Variants in PDCD11 observed in about 807,000 individuals in gnomAD.
PDCD11 encodes protein RRP5 homolog.
Under a neutral mutation model 198.9 loss-of-function variants are expected in PDCD11, and 97 were observed. The ratio of observed to expected loss-of-function variants is 0.49; its 90% confidence interval spans 0.41 to 0.58. The LOEUF (loss-of-function observed/expected upper bound fraction) is 0.58. Ranked by LOEUF, PDCD11 falls within the 20% of genes least tolerant of loss-of-function variation. PDCD11 has a pLI of 0.00. For synonymous variants in PDCD11, 893 were observed against 918.0 expected (o/e 0.97, Z 0.49); for missense variants, 2,102 against 2,312.7 (o/e 0.91, Z 1.87).
intron 25 of PDCD11, among the ~76,000 whole-genome samples, chr10:103,435,211 C>T (rs989994014): frequency 6.6e-6 from 1 of 151,932 alleles, no homozygotes; most frequent in Non-Finnish European, 1.5e-5. Context: ...AATAGAATAT[C>T]ATTTGATATA....
chr10:103,414,025 C>G lies in PDCD11; in HGVS notation c.1245C>G (p.Asn415Lys). 6.2e-7 allele frequency: 1 copy of G among 1,613,550 alleles called. No homozygotes were observed. The highest frequency in any genetic ancestry group is 8.5e-7 in the Non-Finnish European group (1 of 1,179,756). Reference sequence around the variant, plus strand: ...ATCCTGAGGCCTTCAAGCCAGGGAACACTCACAAGTGTAGAATTATTGACT... The same window carrying G: ...ATCCTGAGGCCTTCAAGCCAGGGAAGACTCACAAGTGTAGAATTATTGACT... ...VFNPEAFKPGNTHKCRIIDYS... is the reference protein window; with the variant it reads ...VFNPEAFKPGKTHKCRIIDYS... The change falls in exon 10 of 36, where the codon AAC (asparagine) becomes AAG (lysine). Residue 415 changes from asparagine to lysine, a missense_variant. Asn to Lys is a moderately conservative substitution (Grantham distance 94). Transcript: ENST00000369797.
rs2031552259 is a variant in PDCD11, at chr10:103,423,527, TG to T, written c.2648-14del. 6.5e-7 allele frequency: 1 copy of T among 1,546,266 alleles called. No homozygotes were observed. Among genetic ancestry groups the T allele is most frequent in the African/African-American group, 1.4e-5 (1 of 73,522 alleles). On this transcript the variant is annotated splice_polypyrimidine_tract_variant and intron_variant, in intron 18 of 35. Coordinates refer to ENST00000369797, the MANE Select transcript of PDCD11 (RefSeq NM_014976.2). ...CTGTTCCAGAAGGATAATCACACTG[TG>T]GTTCTGCACTGCAGGGCAGGAGGTG...
Position 103,421,350 on chromosome 10 carries a change from C to T in PDCD11, c.2280C>T (p.Ile760=), listed in dbSNP as rs1407091807. Residue 760 remains isoleucine (I), a splice_region_variant and synonymous_variant, in exon 17 of 36, where the codon ATC becomes ATT. Transcript: ENST00000369797. The stretch of plus-strand genomic sequence containing the variant: ...CTCCTGCCTGTTCTTCTGTTCAGAT[C>T]ATGAGTGACAAATTTGTGACCTCCA... The part of the protein sequence containing the change: ...SGLSGLAPKA[I]MSDKFVTSTS... The T allele has an allele frequency of 1.9e-6, 3 of 1,604,048 alleles. No individual in the cohort carries two copies. Among genetic ancestry groups the T allele is most frequent in the African/African-American group, 1.3e-5 (1 of 74,848 alleles).
At chr10:103,432,260 G>A (rs770269457) in intron 22 of PDCD11, 26 bp downstream of exon 22, 15 of 1,428,588 alleles carry the variant, frequency 1.0e-5, no homozygotes, top group Non-Finnish European at 1.5e-5. Flanking sequence ...ACTCGGCAAT[G>A]AGATGTCATT....
At chr10:103,401,261 ATTATT>A (rs1451856498) in intron 3 of PDCD11, among the ~76,000 whole-genome samples, 2 of 151,684 alleles carry the variant, frequency 1.3e-5, no homozygotes, top group African/African-American at 4.8e-5. Flanking sequence ...TAATTTTGAA[ATTATT>A]TTATTTTATT....
At chr10:103,425,996 T>C (rs1036511853) in intron 20 of PDCD11, among the ~76,000 whole-genome samples, 2 of 152,218 alleles carry the variant, frequency 1.3e-5, no homozygotes, top group African/African-American at 2.4e-5. Flanking sequence ...TATGGTGTGG[T>C]TGTTAAGAAC....
At chr10:103,426,963 G>T (rs2133724560) in intron 20 of PDCD11, among the ~76,000 whole-genome samples, 1 of 151,884 alleles carries the variant, frequency 6.6e-6, no homozygotes, top group Non-Finnish European at 1.5e-5. Context: ...ATAAAAATTA[G>T]CTGGGCATGG....
chr10:103,422,022 T>A (rs1156845642), intron 17 of PDCD11, among the ~76,000 whole-genome samples: 2 of 147,756 alleles, frequency 1.4e-5, no homozygotes, highest in African/African-American at 2.5e-5. Flanking sequence ...ACTTTTTTTT[T>A]AATGGAAGTA....
chr10:103,440,464 G>T lies in PDCD11; in HGVS notation c.4323G>T (p.Lys1441Asn). 1 of 1,614,082 alleles carries T rather than the reference G, an allele frequency of 6.2e-7. No homozygotes were observed. Among genetic ancestry groups the T allele is most frequent in the Non-Finnish European group, 8.5e-7 (1 of 1,179,978 alleles). The stretch of plus-strand genomic sequence containing the variant: ...AGAAAAATCAGAAAAGGAACGAGAA[G>T]AAGAACCAGAAGGGGCAGGAGGAGG... ...GEKKNQKRNE[K>N]KNQKGQEEVE... is the part of the protein sequence containing the mutation. The change falls in exon 29 of 36, where the codon AAG becomes AAT. Residue 1441 changes from lysine to asparagine, a missense_variant. Physicochemically the swap from Lys to Asn is moderately conservative, Grantham distance 94. Transcript: ENST00000369797.
At chr10:103,412,382 G>C (rs147774248) in intron 8 of PDCD11, among the ~76,000 whole-genome samples, 1 of 151,906 alleles carries the variant, frequency 6.6e-6, no homozygotes, top group African/African-American at 2.4e-5. Context: ...GTGCAGTGGC[G>C]TGATCTTGGC....
intron 22 of PDCD11, 137 bp downstream of exon 22, chr10:103,432,371 G>C (rs534767260): frequency 4.7e-6 from 3 of 638,504 alleles, no homozygotes; most frequent in South Asian, 1.8e-5. Context: ...GAGACAGTAC[G>C]TGGCCTCTGC....
chr10:103,445,370 C>G lies in PDCD11; in HGVS notation c.5445-8C>G, dbSNP rs758228914. The G allele has an allele frequency of 6.2e-7, 1 of 1,614,028 alleles. No homozygotes were observed. The highest frequency in any genetic ancestry group is 8.5e-7 in the Non-Finnish European group (1 of 1,179,918). On this transcript the variant is annotated splice_polypyrimidine_tract_variant and splice_region_variant and intron_variant, in intron 35 of 35. Coordinates refer to ENST00000369797, the MANE Select transcript of PDCD11 (RefSeq NM_014976.2). ...ACAGGCAAATGCCACTCTGCTTTTCCTCAACAGGGACATCTTTGAGCGGGT... is the reference window on the plus strand; with the variant it reads ...ACAGGCAAATGCCACTCTGCTTTTCGTCAACAGGGACATCTTTGAGCGGGT...
intron 4 of PDCD11, 56 bp from the exon 5 acceptor site, chr10:103,404,966 G>A: frequency 1.3e-6 from 2 of 1,547,402 alleles, no homozygotes; most frequent in South Asian, 1.2e-5. Flanking sequence ...CTGGGTAATG[G>A]ATTTTTGGTT....
At position 103,444,764 on chromosome 10, in the gene PDCD11, C is replaced by T. The variant is rs1031663301; in HGVS notation, c.5444+82C>T. 13 of 1,325,446 alleles carry T rather than the reference C, an allele frequency of 9.8e-6. 1 individual carries two copies. The highest frequency in any genetic ancestry group is 1.2e-5 in the South Asian group (1 of 83,200). The allele number at this position is 1,325,446 out of a possible 1,614,324, so 82.1% of individuals were successfully genotyped here. ...GGTCCCACAGCAGCTCTCAGCATCC[C>T]AGTTCTCTTACTTGATCTAGAAAAC... On this transcript the variant is annotated intron_variant, in intron 35 of 35. Transcript: ENST00000369797.
intron 1 of PDCD11, 128 bp downstream of exon 1, chr10:103,396,858 C>T (rs2093438852): frequency 1.3e-5 from 2 of 152,398 alleles, no homozygotes; most frequent in South Asian, 2.1e-4. Context: ...TCGAAGCCGG[C>T]TCTGTTGTAG....
intron 6 of PDCD11, 21 bp downstream of exon 6, chr10:103,406,129 C>G (rs755874147): frequency 3.5e-5 from 57 of 1,613,218 alleles, no homozygotes; most frequent in Non-Finnish European, 8.5e-7. Flanking sequence ...GAAAAGGGGC[C>G]AGTACATGGT....
Position 103,406,072 on chromosome 10 carries a change from C to A in PDCD11, c.652C>A (p.Leu218Met), listed in dbSNP as rs1183935236. ...VDGTRAFLPL[L>M]KAQEYIRQKN... Reference sequence around the variant, plus strand: ...TGGGACCAGAGCTTTTCTGCCACTGCTGAAAGCCCAGGAGTACATCAGACA... The same window carrying A: ...TGGGACCAGAGCTTTTCTGCCACTGATGAAAGCCCAGGAGTACATCAGACA... The change falls in exon 6 of 36, where the codon CTG becomes ATG. Residue 218 changes from leucine to methionine, a missense_variant. Transcript: ENST00000369797. 6.2e-7 allele frequency: 1 copy of A among 1,614,010 alleles called. No homozygotes were observed. The highest frequency in any genetic ancestry group is 8.5e-7 in the Non-Finnish European group (1 of 1,180,030).
At chr10:103,421,289 G>A (rs1241556208) in intron 16 of PDCD11, 59 bp from the exon 17 acceptor site, 6 of 1,367,030 alleles carry the variant, frequency 4.4e-6, no homozygotes, top group Non-Finnish European at 2.0e-6. Context: ...GGAACATCAA[G>A]TGGGTTGTCT....
At chr10:103,412,133 A>G (rs2030838808) in intron 8 of PDCD11, among the ~76,000 whole-genome samples, 1 of 149,700 alleles carries the variant, frequency 6.7e-6, no homozygotes. Context: ...CAGCCTCCCA[A>G]AGTGGTGCAT....
Sources: gnomAD v4.1 joint callset for allele counts (sites outside exome capture counted in the v4.1 genomes callset) on GRCh38, gnomAD v4.1.1 for gene constraint, MANE v1.5 for transcripts, NCBI Gene and HGNC (gene_info 2026-07-23, HGNC 2026-07-21) for gene names.